KCNT2: variants seen among roughly 807,000 people sequenced by gnomAD.
KCNT2 encodes potassium channel subfamily T member 2.
Under a neutral mutation model 153.8 loss-of-function variants are expected in KCNT2, and 67 were observed. The ratio of observed to expected loss-of-function variants is 0.44; its 90% CI spans 0.36 to 0.53. KCNT2 has a LOEUF of 0.53. Ranked by LOEUF, KCNT2 falls within the 20% of genes least tolerant of loss-of-function variation. The probability of loss-of-function intolerance (pLI) is 0.00; values close to 1 mark genes in which losing one functional copy is unlikely to be tolerated. For missense variants in KCNT2, 975 were observed against 1,354.8 expected (o/e 0.72, Z 4.40); for synonymous variants, 500 against 458.8 (o/e 1.09, Z -1.15).
chr1:196,244,170 G>A (rs1655214550), intron 26 of KCNT2, among the ~76,000 whole-genome samples: 1 of 152,090 alleles, frequency 6.6e-6, no homozygotes, highest in Admixed American at 6.6e-5. Flanking sequence ...GAGCCCTTGG[G>A]CCCTGAATAA....
At chr1:196,480,322 A>G (rs1370449708) in intron 4 of KCNT2, among the ~76,000 whole-genome samples, 1 of 152,162 alleles carries the variant, frequency 6.6e-6, no homozygotes, top group Non-Finnish European at 1.5e-5. Context: ...AAATCTTTGA[A>G]TTTAAAAGAA....
At chr1:196,371,841 T>C (rs960399495) in intron 14 of KCNT2, among the ~76,000 whole-genome samples, 6 of 152,090 alleles carry the variant, frequency 3.9e-5, no homozygotes, top group Non-Finnish European at 7.4e-5. Flanking sequence ...CTGTGTTATA[T>C]AGTGTTTATG....
In KCNT2 at chr1:196,492,251, G is replaced by T. The variant is rs1057438049; in HGVS notation, c.175+11C>A. On this transcript the variant is annotated intron_variant, in intron 2 of 27. Coordinates refer to ENST00000294725, the MANE Select transcript of KCNT2 (RefSeq NM_198503.5). ...ATGTACGAACAGAGGGGAATGAAAT[G>T]AATAACTTACTTGATCTCTGGTTTT... The T allele has an allele frequency of 1.4e-6, 2 of 1,414,298 alleles. No homozygotes were observed. The highest frequency in any genetic ancestry group is 1.8e-4 in the Middle Eastern group (1 of 5,504). 87.6% of individuals were successfully genotyped at this position (1,414,298 alleles called of 1,614,324 possible). A position where few individuals can be genotyped will look rare whatever the true frequency, so the allele number is the denominator to read the frequency against.
At chr1:196,329,403 T>C (rs972766967) in intron 18 of KCNT2, among the ~76,000 whole-genome samples, 4 of 152,188 alleles carry the variant, frequency 2.6e-5, no homozygotes, top group Non-Finnish European at 5.9e-5. Flanking sequence ...GATATTAAAA[T>C]ATCCTCTTAT....
intron 1 of KCNT2, among the ~76,000 whole-genome samples, chr1:196,533,308 A>G (rs1296800849): frequency 1.3e-5 from 2 of 152,096 alleles, no homozygotes; most frequent in Non-Finnish European, 2.9e-5. Context: ...TAAGAAGAAA[A>G]TTATCCCTTA....
At chr1:196,589,364 G>A (rs1663071694) in intron 1 of KCNT2, among the ~76,000 whole-genome samples, 1 of 151,858 alleles carries the variant, frequency 6.6e-6, no homozygotes, top group Non-Finnish European at 1.5e-5. Flanking sequence ...ATTTTTTAAT[G>A]TTCTTGAAAG....
chr1:196,430,364 C>G (rs182513850), intron 8 of KCNT2, among the ~76,000 whole-genome samples: 1 of 151,088 alleles, frequency 6.6e-6, no homozygotes, highest in East Asian at 2.0e-4. Context: ...GGAATGGGCT[C>G]CCTCACAAGA....
chr1:196,476,300 A>T (rs1343199863), intron 5 of KCNT2, among the ~76,000 whole-genome samples: 1 of 152,160 alleles, frequency 6.6e-6, no homozygotes, highest in Non-Finnish European at 1.5e-5. Context: ...TATATATTAC[A>T]TTCAACATTT....
chr1:196,508,189 C>CAAAAAAAAAAAAAAAAAAAAAAG (rs1681305311), intron 1 of KCNT2, among the ~76,000 whole-genome samples: 6 of 59,984 alleles, frequency 1.0e-4, no homozygotes, highest in Non-Finnish European at 1.5e-4. Context: ...CCCTAAGTAG[C>CAAAAAAAAAAAAAAAAAAAAAAG]AAAAAAAAAA....
chr1:196,452,283 A>G (rs1012330275), intron 8 of KCNT2, among the ~76,000 whole-genome samples: 6 of 152,004 alleles, frequency 3.9e-5, no homozygotes, highest in Admixed American at 1.3e-4. Context: ...AATGAATCCA[A>G]AGAAACTCTG....
At chr1:196,341,978 T>C (rs1162094737) in intron 15 of KCNT2, 101 bp downstream of exon 15, 3 of 1,257,348 alleles carry the variant, frequency 2.4e-6, no homozygotes, top group Non-Finnish European at 3.2e-6. Flanking sequence ...CCGGAATGCC[T>C]AAACACATGA....
At chr1:196,233,254 C>G (rs1462471524) in intron 27 of KCNT2, among the ~76,000 whole-genome samples, 1 of 151,426 alleles carries the variant, frequency 6.6e-6, no homozygotes, top group Non-Finnish European at 1.5e-5. Context: ...TGTTATTCAT[C>G]TGTTTCCCCA....
chr1:196,433,070 A>C (rs1162743684), intron 8 of KCNT2, among the ~76,000 whole-genome samples: 1 of 152,112 alleles, frequency 6.6e-6, no homozygotes, highest in Non-Finnish European at 1.5e-5. Context: ...GGTGAGAACC[A>C]GCTGGGCTGT....
chr1:196,422,626 A>G (rs1673308025), intron 12 of KCNT2, among the ~76,000 whole-genome samples: 1 of 151,876 alleles, frequency 6.6e-6, no homozygotes, highest in Non-Finnish European at 1.5e-5. Context: ...GAGATTGTTG[A>G]TTACCACCCC....
At chr1:196,596,090 ATATAT>A (rs1352683306) in intron 1 of KCNT2, among the ~76,000 whole-genome samples, 7 of 108,796 alleles carry the variant, frequency 6.4e-5, no homozygotes, top group African/African-American at 2.3e-4. Flanking sequence ...ATATATATAT[ATATAT>A]ATATATCACA....
At chr1:196,412,931 T>C (rs1672459316) in intron 12 of KCNT2, among the ~76,000 whole-genome samples, 1 of 151,440 alleles carries the variant, frequency 6.6e-6, no homozygotes, top group African/African-American at 2.4e-5. Flanking sequence ...AATTGGGAAA[T>C]GTAAAATTGA....
chr1:196,507,224 T>C (rs1681219066), intron 1 of KCNT2, among the ~76,000 whole-genome samples: 2 of 152,156 alleles, frequency 1.3e-5, no homozygotes, highest in African/African-American at 4.8e-5. Flanking sequence ...AAGAAATTGA[T>C]AATGATATAG....
At position 196,261,411 on chromosome 1, in the gene KCNT2, A is replaced by G. The variant is rs563992104; in HGVS notation, c.2911-2917T>C. On this transcript the variant is annotated intron_variant, in intron 25 of 27. Transcript: ENST00000294725. ...CCTATCAAATTTTTCTGAAGACATA[A>G]AAGAGATAATGCATGAAAAGGCATA... 2.1e-3 allele frequency among the ~76,000 whole-genome samples: 324 copies of G among 152,082 alleles called. 3 individuals are homozygous for G. The highest frequency in any genetic ancestry group is 5.9e-4 in the Non-Finnish European group (40 of 67,866).
chr1:196,577,415 T>C (rs1661495756), intron 1 of KCNT2, among the ~76,000 whole-genome samples: 1 of 152,128 alleles, frequency 6.6e-6, no homozygotes, highest in African/African-American at 2.4e-5. Context: ...ACAGACTGAA[T>C]GGAGAAGGCA....
Sources: allele counts gnomAD v4.1 joint callset (sites outside exome capture counted in the v4.1 genomes callset), GRCh38; gene constraint gnomAD v4.1.1; transcripts MANE v1.5; gene names NCBI Gene and HGNC (gene_info 2026-07-23, HGNC 2026-07-21).